Variants in HS2ST1 observed in about 807,000 individuals in gnomAD.
HS2ST1 encodes heparan sulfate 2-O-sulfotransferase 1.
In HS2ST1, 18 loss-of-function variants were observed where a neutral mutation model predicts 42.9. The ratio of observed to expected loss-of-function variants is 0.42; its 90% CI spans 0.29 to 0.62. The LOEUF (loss-of-function observed/expected upper bound fraction) is 0.62, where lower values mean the gene tolerates loss of function less well. HS2ST1 is among the 20% of genes least tolerant of loss of function. The pLI is 0.21. For missense variants in HS2ST1, 334 were observed against 433.8 expected, an observed-to-expected ratio of 0.77 and a Z score of 2.04; for synonymous variants, 146 against 152.9, an observed-to-expected ratio of 0.95 and a Z score of 0.33.
rs1652383251 is a variant in HS2ST1 at position 87,108,465 on chromosome 1, G to A, written c.*3769G>A. 6.6e-6 allele frequency: 1 copy of A among 152,084 alleles called. No individual in the cohort carries two copies. Among genetic ancestry groups the A allele is most frequent in the African/African-American group, 2.4e-5 (1 of 41,434 alleles). 9.4% of individuals were successfully genotyped at this position (152,084 alleles called of 1,614,324 possible). A position where few individuals can be genotyped will look rare whatever the true frequency, so the allele number is the denominator to read the frequency against. On this transcript the variant is annotated 3_prime_UTR_variant, in exon 7 of 7. Transcript: ENST00000370550. ...GTGCTGTTTACTTTCAGAGGAAGCA[G>A]AGAAGTTGCTGTTATGTTTTTGCAT...
intron 1 of HS2ST1, among the ~76,000 whole-genome samples, chr1:86,955,842 C>T (rs1473540620): frequency 2.0e-5 from 3 of 151,968 alleles, no homozygotes; most frequent in Non-Finnish European, 2.9e-5. Context: ...ATAAATTATA[C>T]GTGCATGGGT....
chr1:87,035,452 T>C (rs1004301926), intron 1 of HS2ST1, among the ~76,000 whole-genome samples: 2 of 152,222 alleles, frequency 1.3e-5, no homozygotes, highest in Non-Finnish European at 2.9e-5. Flanking sequence ...CTTGGAGATA[T>C]CACATAGTTG....
chr1:86,933,339 G>T (rs114572823), intron 1 of HS2ST1, among the ~76,000 whole-genome samples: 1 of 152,080 alleles, frequency 6.6e-6, no homozygotes, highest in South Asian at 2.1e-4. Flanking sequence ...TAAATATTCT[G>T]TTACTTTTTA....
chr1:86,960,188 C>A (rs1383556453), intron 1 of HS2ST1, among the ~76,000 whole-genome samples: 2 of 141,944 alleles, frequency 1.4e-5, no homozygotes, highest in Non-Finnish European at 3.0e-5. Context: ...CCACAAGTGG[C>A]ACTGGAATAA....
At chr1:87,098,792 A>T (rs1344306136) in intron 5 of HS2ST1, among the ~76,000 whole-genome samples, 2 of 151,926 alleles carry the variant, frequency 1.3e-5, no homozygotes, top group East Asian at 3.9e-4. Flanking sequence ...TTTATTTTTT[A>T]TTTTTTTGAG....
At chr1:86,952,123 G>A (rs116813476) in intron 1 of HS2ST1, among the ~76,000 whole-genome samples, 43 of 152,300 alleles carry the variant, frequency 2.8e-4, no homozygotes, top group African/African-American at 8.9e-4. Flanking sequence ...AATCATGAAT[G>A]TTCTGAATGG....
chr1:86,987,287 GC>G (rs1648815101), intron 1 of HS2ST1, among the ~76,000 whole-genome samples: 1 of 151,688 alleles, frequency 6.6e-6, no homozygotes, highest in East Asian at 1.9e-4. Context: ...TGTCATCCAG[GC>G]TGGTCTCGAA....
chr1:87,096,050 C>T (rs1652059866), intron 4 of HS2ST1, among the ~76,000 whole-genome samples: 1 of 149,572 alleles, frequency 6.7e-6, no homozygotes, highest in South Asian at 2.1e-4. Context: ...TTCATATTTG[C>T]TCCTGAATTC....
At chr1:86,937,980 T>G (rs1044612385) in intron 1 of HS2ST1, among the ~76,000 whole-genome samples, 3 of 152,184 alleles carry the variant, frequency 2.0e-5, no homozygotes, top group Non-Finnish European at 4.4e-5. Context: ...TGCCCTTTAT[T>G]ACATGTGTAC....
chr1:87,017,752 A>G (rs1649802859), intron 1 of HS2ST1, among the ~76,000 whole-genome samples: 1 of 144,000 alleles, frequency 6.9e-6, no homozygotes, highest in Admixed American at 6.9e-5. Context: ...TTGATTTTTG[A>G]TATATGTGTC....
intron 1 of HS2ST1, among the ~76,000 whole-genome samples, chr1:87,042,725 A>G (rs897291617): frequency 6.6e-6 from 1 of 152,132 alleles, no homozygotes; most frequent in African/African-American, 2.4e-5. Context: ...GAATATCAAG[A>G]TGATAAATTA....
chr1:86,936,933 TAAAAAAA>T (rs60940882), intron 1 of HS2ST1, among the ~76,000 whole-genome samples: 4 of 98,402 alleles, frequency 4.1e-5, no homozygotes, highest in Non-Finnish European at 4.2e-5. Flanking sequence ...CCGTCTCTAC[TAAAAAAA>T]AAAAAAAAAA....
At chr1:87,079,609 A>G (rs1363822779) in intron 2 of HS2ST1, among the ~76,000 whole-genome samples, 1 of 152,240 alleles carries the variant, frequency 6.6e-6, no homozygotes, top group Non-Finnish European at 1.5e-5. Flanking sequence ...ATGTTAATGA[A>G]ACTTTAACAT....
chr1:86,932,958 A>T (rs986709360), intron 1 of HS2ST1, among the ~76,000 whole-genome samples: 1 of 152,222 alleles, frequency 6.6e-6, no homozygotes, highest in East Asian at 1.9e-4. Context: ...TGGTTTCAGA[A>T]CCTTTTAAAA....
chr1:87,029,983 G>T (rs979980957), intron 1 of HS2ST1, among the ~76,000 whole-genome samples: 7 of 152,292 alleles, frequency 4.6e-5, no homozygotes, highest in Admixed American at 3.3e-4. Context: ...AAGCAAATTT[G>T]TATACAGTTT....
At chr1:87,067,883 T>G (rs1651294949) in intron 1 of HS2ST1, among the ~76,000 whole-genome samples, 1 of 152,128 alleles carries the variant, frequency 6.6e-6, no homozygotes, top group African/African-American at 2.4e-5. Context: ...GTTCTAGATG[T>G]GTGGTGTTAT....
chr1:86,925,230 A>C (rs1005751823), intron 1 of HS2ST1, among the ~76,000 whole-genome samples: 1 of 152,148 alleles, frequency 6.6e-6, no homozygotes, highest in Non-Finnish European at 1.5e-5. Context: ...ACTGGACCTT[A>C]TTGTTCATAT....
At position 87,108,102 on chromosome 1, in the gene HS2ST1, T is replaced by C. The variant is rs1299257953; in HGVS notation, c.*3406T>C. The C allele has an allele frequency of 6.6e-6, 1 of 152,098 alleles. No individual in the cohort carries two copies. The highest frequency in any genetic ancestry group is 1.5e-5 in the Non-Finnish European group (1 of 67,950). 9.4% of individuals were successfully genotyped at this position (152,098 alleles called of 1,614,324 possible). A position where few individuals can be genotyped will look rare whatever the true frequency, so the allele number is the denominator to read the frequency against. ...CCATCAGTGATTTACAAACAATATT[T>C]TGATATTGCAGATGACTTGCTTACT... is the stretch of plus-strand genomic sequence containing the variant. On this transcript the variant is annotated 3_prime_UTR_variant, in exon 7 of 7. Transcript: ENST00000370550.
chr1:87,045,906 C>A, intron 1 of HS2ST1: 2 of 698,628 alleles, frequency 2.9e-6, no homozygotes, highest in Non-Finnish European at 2.7e-6. Context: ...TTGTGCTCAC[C>A]GGCTTCTCCC....
Sources: allele counts gnomAD v4.1 joint callset (sites outside exome capture counted in the v4.1 genomes callset), GRCh38; gene constraint gnomAD v4.1.1; transcripts MANE v1.5; gene names NCBI Gene and HGNC (gene_info 2026-07-23, HGNC 2026-07-21).